The following PRSS27 variants were observed in gnomAD, a reference collection of about 807,000 sequenced individuals.
The protein encoded by PRSS27 is channel-activating protease 2.
In PRSS27, 25 loss-of-function variants were observed where a neutral mutation model predicts 32.0. The ratio of observed to expected loss-of-function variants is 0.78; its 90% CI spans 0.57 to 1.09. The LOEUF (loss-of-function observed/expected upper bound fraction) is 1.09. Ranked by LOEUF, PRSS27 falls within the 50% of genes least tolerant of loss-of-function variation. The pLI is 0.00. For missense variants in PRSS27, 401 were observed against 394.9 expected (o/e 1.02, Z -0.13); for synonymous variants, 178 against 172.2 (o/e 1.03, Z -0.26).
intron 5 of PRSS27, chr16:2,713,047 C>A: frequency 5.4e-6 from 3 of 550,940 alleles, no homozygotes; most frequent in Non-Finnish European, 6.4e-6. Flanking sequence ...TGTGCCCCAC[C>A]CCAGACCCAC....
At chr16:2,719,616 C>A (rs2067722605) in intron 1 of PRSS27, among the ~76,000 whole-genome samples, 1 of 152,180 alleles carries the variant, frequency 6.6e-6, no homozygotes, top group African/African-American at 2.4e-5. Context: ...CACCTACACC[C>A]CCTGCCCCCA....
chr16:2,713,766 C>A, intron 4 of PRSS27, 68 bp from the exon 5 acceptor site: 1 of 1,533,266 alleles, frequency 6.5e-7, no homozygotes, highest in Non-Finnish European at 8.9e-7. Context: ...CCCCGGGAAC[C>A]ACCACTCCAT....
chr16:2,716,953 G>A (rs2067705905), intron 1 of PRSS27: 2 of 198,630 alleles, frequency 1.0e-5, no homozygotes, highest in Non-Finnish European at 1.1e-5. Flanking sequence ...GCTCAGAGCG[G>A]AAGAGGCCCG....
chr16:2,714,416 C>T lies in PRSS27; in HGVS notation c.237-80G>A, dbSNP rs546548854. 1.1e-5 allele frequency: 16 copies of T among 1,487,850 alleles called. No individual in the cohort carries two copies. The highest frequency in any genetic ancestry group is 1.8e-5 in the Admixed American group (1 of 55,018). 92.2% of individuals were successfully genotyped at this position (1,487,850 alleles called of 1,614,324 possible). ...CCGGGAGGGGCTGGGGCTCCTCTGG[C>T]CACCACCGTGCCCCACACCTCTCTC... On this transcript the variant is annotated intron_variant, in intron 3 of 5. Transcript: ENST00000302641. This position sits in a 1 kb window ranked among gnomAD's most constrained non-coding sequence, Gnocchi z 4.7.
chr16:2,713,145 C>A (rs1291287037), intron 5 of PRSS27: 3 of 469,864 alleles, frequency 6.4e-6, no homozygotes, highest in Non-Finnish European at 1.2e-5. Context: ...GTGGCCCAGG[C>A]TGGAGTGCAC....
chr16:2,713,266 T>G (rs917560282), intron 5 of PRSS27: 20 of 480,940 alleles, frequency 4.2e-5, no homozygotes, highest in Non-Finnish European at 3.1e-5. Context: ...GCCTGGCTAA[T>G]TTTTTGTATT....
In PRSS27 at chr16:2,717,863, G is replaced by A. The variant is rs1272552819; in HGVS notation, c.47-1337C>T. 2.0e-5 allele frequency: 3 copies of A among 152,514 alleles called. No homozygotes were observed. Among genetic ancestry groups the A allele is most frequent in the Non-Finnish European group, 4.4e-5 (3 of 68,212 alleles). The allele number at this position is 152,514 out of a possible 1,614,324, so 9.4% of individuals were successfully genotyped here. On this transcript the variant is annotated intron_variant, in intron 1 of 5. Transcript: ENST00000302641. This position sits in a 1 kb window ranked among gnomAD's most constrained non-coding sequence, Gnocchi z 4.1. ...GGCAGCGGGCGGCGAGGGGGCAGCT[G>A]TGGATGGGCAGGAGGAGGAGGTGGA... is the stretch of plus-strand genomic sequence containing the variant.
At chr16:2,719,507 G>A (rs2067721975) in intron 1 of PRSS27, among the ~76,000 whole-genome samples, 1 of 152,124 alleles carries the variant, frequency 6.6e-6, no homozygotes, top group South Asian at 2.1e-4. Flanking sequence ...TGGCAGGTGG[G>A]GCCCCCTGGC....
At chr16:2,713,462 A>C (rs777189731) in intron 5 of PRSS27, 67 bp downstream of exon 5, 13 of 1,522,310 alleles carry the variant, frequency 8.5e-6, no homozygotes, top group Middle Eastern at 1.7e-4. Context: ...GGAGCGGGGC[A>C]TGATCCCACC....
chr16:2,714,666 C>T lies in PRSS27; in HGVS notation c.237-330G>A. 4 of 350,928 alleles carry T rather than the reference C, an allele frequency of 1.1e-5. No individual in the cohort carries two copies. The South Asian group carries it at 1.1e-4, about 10-fold the overall frequency. 21.7% of individuals were successfully genotyped at this position (350,928 alleles called of 1,614,324 possible). On this transcript the variant is annotated intron_variant, in intron 3 of 5. Coordinates refer to ENST00000302641, the MANE Select transcript of PRSS27 (RefSeq NM_031948.5). The surrounding 1 kb of genome is among the most constrained non-coding windows in gnomAD (Gnocchi z 4.7). ...AGGCTGGCTCGGAGAGAACCACCCTCCAGGTGCAGCAGGGCCAGCCCCACC... is the reference window on the plus strand; with the variant it reads ...AGGCTGGCTCGGAGAGAACCACCCTTCAGGTGCAGCAGGGCCAGCCCCACC...
rs1387242224 is a variant in PRSS27, at chr16:2,712,518, G to A, written c.*102C>T. On this transcript the variant is annotated 3_prime_UTR_variant, in exon 6 of 6. Coordinates refer to ENST00000302641, the MANE Select transcript of PRSS27 (RefSeq NM_031948.5). This position sits in a 1 kb window ranked among gnomAD's most constrained non-coding sequence, Gnocchi z 4.6. The stretch of plus-strand genomic sequence containing the variant: ...CGCTATTTACAAATGAGTCTGGTGG[G>A]GCTCACAGGTGCAACAGCAGCGCTG... 4.2e-6 allele frequency: 4 copies of A among 946,696 alleles called. No homozygotes were observed. Among genetic ancestry groups the A allele is most frequent in the Non-Finnish European group, 6.3e-6 (4 of 635,288 alleles). 58.6% of individuals were successfully genotyped at this position (946,696 alleles called of 1,614,324 possible).
Position 2,712,447 on chromosome 16 carries a change from G to T in PRSS27, c.*173C>A. 1.6e-6 allele frequency: 1 copy of T among 618,730 alleles called. No individual in the cohort carries two copies. Among genetic ancestry groups the T allele is most frequent in the African/African-American group, 1.9e-5 (1 of 52,902 alleles). 38.3% of individuals were successfully genotyped at this position (618,730 alleles called of 1,614,324 possible). On this transcript the variant is annotated 3_prime_UTR_variant, in exon 6 of 6. Coordinates refer to ENST00000302641, the MANE Select transcript of PRSS27 (RefSeq NM_031948.5). This position sits in a 1 kb window ranked among gnomAD's most constrained non-coding sequence, Gnocchi z 4.6. The stretch of plus-strand genomic sequence containing the variant: ...TGGCACACAGGCTGGGTTTTTATTG[G>T]GAGAAACATAAATAAAATAAGGGTA...
intron 2 of PRSS27, 167 bp downstream of exon 2, chr16:2,716,333 C>T: frequency 1.0e-5 from 7 of 681,350 alleles, no homozygotes; most frequent in Non-Finnish European, 5.1e-6. Flanking sequence ...TTGTGTGGAC[C>T]TTCCTCCTCC....
chr16:2,716,397 T>C, intron 2 of PRSS27, 103 bp downstream of exon 2: 3 of 1,086,942 alleles, frequency 2.8e-6, no homozygotes, highest in Non-Finnish European at 4.1e-6. Context: ...TCCTCTGGAA[T>C]TCCCCAGTGT....
rs2067705184 is a variant in PRSS27 at position 2,716,814 on chromosome 16, G to C, written c.47-288C>G. ...TGCCAGTGAAGGGATCCCCAGGCTAGATGTCCCCTTCTCATCCTGGAAAGG... is the reference window on the plus strand; with the variant it reads ...TGCCAGTGAAGGGATCCCCAGGCTACATGTCCCCTTCTCATCCTGGAAAGG... On this transcript the variant is annotated intron_variant, in intron 1 of 5. Transcript: ENST00000302641. The C allele has an allele frequency of 5.9e-6, 3 of 507,990 alleles. No homozygotes were observed. In the Admixed American group the frequency reaches 9.4e-5, roughly 16 times the overall value. The allele number at this position is 507,990 out of a possible 1,614,324, so 31.5% of individuals were successfully genotyped here.
rs1000050368 is a variant in PRSS27 at position 2,715,636 on chromosome 16, C to A, written c.236+82G>T. The A allele has an allele frequency of 8.0e-5, 93 of 1,160,558 alleles. No homozygotes were observed. In the South Asian group the frequency reaches 1.5e-3, roughly 19 times the overall value. 71.9% of individuals were successfully genotyped at this position (1,160,558 alleles called of 1,614,324 possible). A position where few individuals can be genotyped will look rare whatever the true frequency, so the allele number is the denominator to read the frequency against. On this transcript the variant is annotated intron_variant, in intron 3 of 5. Coordinates refer to ENST00000302641, the MANE Select transcript of PRSS27 (RefSeq NM_031948.5). ...AGGTCACCCGCAGGATTTGGCGCGG[C>A]GGGCGCTGTCCACGGTGCTGAACCG...
chr16:2,713,187 C>G, intron 5 of PRSS27: 1 of 457,612 alleles, frequency 2.2e-6, no homozygotes, highest in South Asian at 2.2e-5. Context: ...CAAGCTCCGC[C>G]TCCCAGGTTC....
rs377427658 is a variant in PRSS27, at chr16:2,714,446, CA to C, written c.237-111del. On this transcript the variant is annotated intron_variant, in intron 3 of 5. Coordinates refer to ENST00000302641, the MANE Select transcript of PRSS27 (RefSeq NM_031948.5). This position sits in a 1 kb window ranked among gnomAD's most constrained non-coding sequence, Gnocchi z 4.7. ...ACCGTGCCCCACACCTCTCTCTGCA[CA>C]ATGTCTTCGAGAGTCATCTCTAGGA... The C allele has an allele frequency of 4.8e-6, 6 of 1,256,848 alleles. No individual in the cohort carries two copies. In the African/African-American group the frequency reaches 7.4e-5, roughly 15 times the overall value. The allele number at this position is 1,256,848 out of a possible 1,614,324, so 77.9% of individuals were successfully genotyped here.
At position 2,712,654 on chromosome 16, in the gene PRSS27, T is replaced by A; in HGVS notation, c.839A>T (p.Gln280Leu). ...NWIHRIIPKL[Q>L]FQPARLGGQK ...GCCGCCCAACCTCGCTGGCTGGAAC[T>A]GCAGTTTGGGGATGATCCGATGGAT... Residue 280 changes from glutamine to leucine, a missense_variant, in exon 6 of 6, where the codon CAG becomes CTG. By Grantham distance (113) the Gln-to-Leu change is moderately radical. Coordinates refer to ENST00000302641, the MANE Select transcript of PRSS27 (RefSeq NM_031948.5). This position sits in a 1 kb window ranked among gnomAD's most constrained non-coding sequence, Gnocchi z 4.6. The A allele has an allele frequency of 6.3e-7, 1 of 1,597,468 alleles. No homozygotes were observed. The highest frequency in any genetic ancestry group is 8.5e-7 in the Non-Finnish European group (1 of 1,171,848).
Sources: allele counts gnomAD v4.1 joint callset (sites outside exome capture counted in the v4.1 genomes callset), GRCh38; gene constraint gnomAD v4.1.1; non-coding constraint Gnocchi (gnomAD v3.1); transcripts MANE v1.5; gene names NCBI Gene and HGNC (gene_info 2026-07-23, HGNC 2026-07-21).